The following FSTL5 variants were observed in gnomAD, a reference collection of about 807,000 sequenced individuals.
The protein encoded by FSTL5 is follistatin-related protein 5.
FSTL5 carries 62 observed loss-of-function variants against 89.1 expected under a neutral mutation model. The ratio of observed to expected loss-of-function variants is 0.70; its 90% confidence interval spans 0.57 to 0.86. The LOEUF (loss-of-function observed/expected upper bound fraction) is 0.86, where lower values mean the gene tolerates loss of function less well. Ranked by LOEUF, FSTL5 falls within the 40% of genes least tolerant of loss-of-function variation. The pLI is 0.00. For synonymous variants in FSTL5, 383 were observed against 346.2 expected, an observed-to-expected ratio of 1.11 and a Z score of -1.18; for missense variants, 1,057 against 1,001.6, an observed-to-expected ratio of 1.06 and a Z score of -0.75.
At chr4:161,821,774 C>A (rs574004313) in intron 4 of FSTL5, among the ~76,000 whole-genome samples, 3 of 152,016 alleles carry the variant, frequency 2.0e-5, no homozygotes, top group Non-Finnish European at 2.9e-5. Context: ...GCATGGTATT[C>A]CATGGTGTGT....
At chr4:161,688,070 T>C (rs1355160548) in intron 6 of FSTL5, among the ~76,000 whole-genome samples, 1 of 152,028 alleles carries the variant, frequency 6.6e-6, no homozygotes, top group African/African-American at 2.4e-5. Context: ...ACCCAATCTG[T>C]GATTTTTGTT....
At chr4:161,599,812 C>A (rs551865976) in intron 7 of FSTL5, among the ~76,000 whole-genome samples, 5 of 151,922 alleles carry the variant, frequency 3.3e-5, no homozygotes, top group Admixed American at 2.0e-4. Flanking sequence ...ATTTACATAG[C>A]TAACTGTTAT....
chr4:161,865,701 GA>G (rs547348821), intron 4 of FSTL5, among the ~76,000 whole-genome samples: 3,163 of 152,020 alleles, frequency 0.021, 110 homozygotes, highest in African/African-American at 0.07. Flanking sequence ...TAATTACAGT[GA>G]AAAAAATAGG....
At chr4:161,997,144 T>C (rs1736319175) in intron 3 of FSTL5, among the ~76,000 whole-genome samples, 1 of 152,220 alleles carries the variant, frequency 6.6e-6, no homozygotes, top group Non-Finnish European at 1.5e-5. Context: ...AAATTAAATG[T>C]TTAGCAACAT....
rs1284893535 is a variant in FSTL5 at position 161,680,818 on chromosome 4, C to G, written c.728-24324G>C. Among the ~76,000 whole-genome samples, 4 of 151,916 alleles carry G rather than the reference C, an allele frequency of 2.6e-5. No homozygotes were observed. The South Asian group carries it at 6.2e-4, about 24-fold the overall frequency. ...GTAAACATTTCAGAACACCCAATAA[C>G]AGTAGCATTATGGAGGCTTAAAAAT... On this transcript the variant is annotated intron_variant, in intron 6 of 15. Transcript: ENST00000306100.
intron 8 of FSTL5, among the ~76,000 whole-genome samples, chr4:161,569,643 G>GA (rs1732933075): frequency 6.6e-6 from 1 of 151,938 alleles, no homozygotes; most frequent in Non-Finnish European, 1.5e-5. Flanking sequence ...AAAATGAAAG[G>GA]AAAATAGAGG....
chr4:161,441,692 A>G (rs1732767595), intron 15 of FSTL5, among the ~76,000 whole-genome samples: 1 of 152,120 alleles, frequency 6.6e-6, no homozygotes, highest in African/African-American at 2.4e-5. Context: ...TAGGTTCTCT[A>G]AACCCTAGAA....
At chr4:161,501,067 T>C (rs1202181923) in intron 11 of FSTL5, among the ~76,000 whole-genome samples, 1 of 152,166 alleles carries the variant, frequency 6.6e-6, no homozygotes, top group Non-Finnish European at 1.5e-5. Context: ...TTATTCAGTA[T>C]AATTATATCT....
chr4:161,596,969 A>G (rs1395594578), intron 7 of FSTL5, among the ~76,000 whole-genome samples: 1 of 152,058 alleles, frequency 6.6e-6, no homozygotes. Flanking sequence ...ATTTTCTCCC[A>G]TTCTGTAGGT....
chr4:161,460,856 G>C (rs1733542250), intron 13 of FSTL5, among the ~76,000 whole-genome samples: 1 of 151,772 alleles, frequency 6.6e-6, no homozygotes, highest in African/African-American at 2.4e-5. Context: ...AAGCACCACA[G>C]ATCCAAGGAA....
chr4:161,619,779 G>T (rs1735045676), intron 7 of FSTL5, among the ~76,000 whole-genome samples: 3 of 152,116 alleles, frequency 2.0e-5, no homozygotes, highest in Admixed American at 2.0e-4. Flanking sequence ...AAGTCAGTGT[G>T]GCGATTCCTC....
At chr4:161,724,978 CAAG>C (rs1438496503) in intron 6 of FSTL5, among the ~76,000 whole-genome samples, 1 of 152,026 alleles carries the variant, frequency 6.6e-6, no homozygotes, top group East Asian at 1.9e-4. Context: ...GAGTGGATAA[CAAG>C]GTTAAGAGAT....
intron 6 of FSTL5, among the ~76,000 whole-genome samples, chr4:161,740,144 TG>T (rs1739964467): frequency 6.6e-6 from 1 of 151,938 alleles, no homozygotes; most frequent in Non-Finnish European, 1.5e-5. Context: ...CTCAGCCTCC[TG>T]AATAGCTGGG....
intron 7 of FSTL5, among the ~76,000 whole-genome samples, chr4:161,650,684 C>A (rs1171370658): frequency 6.6e-6 from 1 of 152,002 alleles, no homozygotes. Flanking sequence ...AATGAAGAAA[C>A]TAAAGTTTAA....
intron 4 of FSTL5, among the ~76,000 whole-genome samples, chr4:161,873,345 C>A (rs983564114): frequency 6.6e-6 from 1 of 151,990 alleles, no homozygotes; most frequent in Admixed American, 6.6e-5. Flanking sequence ...CTCCAAAGAA[C>A]CTACTATCAG....
intron 2 of FSTL5, among the ~76,000 whole-genome samples, chr4:162,045,889 C>T (rs1275518249): frequency 1.3e-5 from 2 of 152,080 alleles, no homozygotes; most frequent in Admixed American, 6.6e-5. Flanking sequence ...AACTTGGAAA[C>T]ATTTAAAGGG....
At chr4:161,785,378 T>C (rs1240527876) in intron 4 of FSTL5, among the ~76,000 whole-genome samples, 4 of 151,648 alleles carry the variant, frequency 2.6e-5, no homozygotes, top group African/African-American at 9.7e-5. Context: ...ATTTCCCCTA[T>C]CATCTACACT....
At chr4:161,774,977 A>G (rs1741353389) in intron 5 of FSTL5, among the ~76,000 whole-genome samples, 11 of 152,168 alleles carry the variant, frequency 7.2e-5, no homozygotes, top group Admixed American at 7.2e-4. Flanking sequence ...AATTAGTTTG[A>G]ATGATGATAA....
intron 6 of FSTL5, among the ~76,000 whole-genome samples, chr4:161,758,378 C>T (rs1740652357): frequency 6.6e-6 from 1 of 151,998 alleles, no homozygotes; most frequent in Admixed American, 6.6e-5. Context: ...TAAACTGAGT[C>T]CTGTTTAATT....
Sources: allele counts gnomAD v4.1 joint callset (sites outside exome capture counted in the v4.1 genomes callset), GRCh38; gene constraint gnomAD v4.1.1; transcripts MANE v1.5; gene names NCBI Gene and HGNC (gene_info 2026-07-23, HGNC 2026-07-21).